The following XKR6 variants were observed in gnomAD, a reference collection of about 807,000 sequenced individuals.
XKR6 encodes XK-related protein 6.
XKR6 carries 22 observed loss-of-function variants against 56.7 expected under a neutral mutation model. The ratio of observed to expected loss-of-function variants is 0.39; its 90% CI spans 0.28 to 0.55. The LOEUF (loss-of-function observed/expected upper bound fraction) is 0.55, where lower values mean the gene tolerates loss of function less well. Ranked by LOEUF, XKR6 falls within the 20% of genes least tolerant of loss-of-function variation. The pLI is 0.66. For missense variants in XKR6, 852 were observed against 889.0 expected, an observed-to-expected ratio of 0.96 and a Z score of 0.53; for synonymous variants, 524 against 387.8, an observed-to-expected ratio of 1.35 and a Z score of -4.13.
chr8:11,055,085 C>T (rs1013333012), intron 1 of XKR6, among the ~76,000 whole-genome samples: 3 of 152,188 alleles, frequency 2.0e-5, no homozygotes, highest in Non-Finnish European at 2.9e-5. Flanking sequence ...TTATTCCCGA[C>T]ACTTATTAAA....
At chr8:11,111,697 G>C (rs146824141) in intron 1 of XKR6, 6 of 152,006 alleles carry the variant, frequency 3.9e-5, no homozygotes, top group African/African-American at 7.2e-5. Flanking sequence ...CTGATAATGA[G>C]AGACATGCAT....
intron 1 of XKR6, chr8:11,002,351 C>G (rs1045878187): frequency 3.7e-6 from 1 of 270,360 alleles, no homozygotes; most frequent in African/African-American, 2.3e-5. Context: ...AAGGCTGGAC[C>G]ATGACCTTTG....
intron 1 of XKR6, chr8:11,194,320 C>T (rs968664600): frequency 2.0e-5 from 3 of 152,206 alleles, no homozygotes; most frequent in African/African-American, 4.8e-5. Context: ...AGAAACCTGA[C>T]TTCTTAATTC....
intron 1 of XKR6, among the ~76,000 whole-genome samples, chr8:11,173,713 C>T (rs1303335049): frequency 1.3e-5 from 2 of 152,250 alleles, no homozygotes; most frequent in East Asian, 1.9e-4. Flanking sequence ...GGACAGCAAG[C>T]CTTTTTGGCC....
chr8:11,077,549 G>A (rs1430050317), intron 1 of XKR6, among the ~76,000 whole-genome samples: 1 of 152,184 alleles, frequency 6.6e-6, no homozygotes, highest in Non-Finnish European at 1.5e-5. Flanking sequence ...AAGGCCTGAT[G>A]CTTCACTGTG....
intron 1 of XKR6, among the ~76,000 whole-genome samples, chr8:10,948,752 C>T (rs1055568509): frequency 1.3e-5 from 2 of 152,204 alleles, no homozygotes; most frequent in African/African-American, 4.8e-5. Flanking sequence ...GTAGCTGTGG[C>T]TTATCAAGCC....
chr8:10,951,494 T>A (rs937830834), intron 1 of XKR6, among the ~76,000 whole-genome samples: 14 of 152,254 alleles, frequency 9.2e-5, no homozygotes, highest in African/African-American at 3.4e-4. Flanking sequence ...TTGGTTTTAG[T>A]CCCAAACAGC....
At chr8:11,103,624 G>C (rs191041360) in intron 1 of XKR6, among the ~76,000 whole-genome samples, 23 of 152,236 alleles carry the variant, frequency 1.5e-4, no homozygotes, top group African/African-American at 5.5e-4. Context: ...AAGTAGTAAA[G>C]AAAATCCTAA....
At chr8:11,082,003 T>C (rs1797738744) in intron 1 of XKR6, among the ~76,000 whole-genome samples, 1 of 152,178 alleles carries the variant, frequency 6.6e-6, no homozygotes, top group Admixed American at 6.5e-5. Flanking sequence ...GCCTGAGACC[T>C]GGAAGGAAGT....
intron 1 of XKR6, among the ~76,000 whole-genome samples, chr8:11,085,144 C>T (rs1184799584): frequency 6.6e-6 from 1 of 152,172 alleles, no homozygotes; most frequent in African/African-American, 2.4e-5. Flanking sequence ...GGCACTACCT[C>T]CCCTTCTTGT....
At chr8:11,059,223 A>AC (rs1799764275) in intron 1 of XKR6, among the ~76,000 whole-genome samples, 1 of 152,026 alleles carries the variant, frequency 6.6e-6, no homozygotes, top group Non-Finnish European at 1.5e-5. Context: ...CCAAGCTGCG[A>AC]CCCCCTGCGC....
chr8:11,074,285 G>C (rs1337078745), intron 1 of XKR6, among the ~76,000 whole-genome samples: 1 of 152,158 alleles, frequency 6.6e-6, no homozygotes, highest in Non-Finnish European at 1.5e-5. Flanking sequence ...GCCGTTTCCC[G>C]GCCTTGGGTC....
At chr8:11,157,485 GGTAT>G (rs112971008) in intron 1 of XKR6, among the ~76,000 whole-genome samples, 54,160 of 148,822 alleles carry the variant, frequency 0.36, 10,867 homozygotes, top group Middle Eastern at 0.47. Flanking sequence ...TAAAATAAAA[GGTAT>G]GTATGTATGT....
intron 1 of XKR6, among the ~76,000 whole-genome samples, chr8:11,069,724 CAGTA>C (rs33960758): frequency 0.57 from 86,069 of 151,548 alleles, 27,819 homozygotes; most frequent in African/African-American, 0.87. Context: ...GTTCAGGGGT[CAGTA>C]AAGATTTCTT....
chr8:10,909,282 G>C (rs903334126), intron 2 of XKR6, among the ~76,000 whole-genome samples: 2 of 152,068 alleles, frequency 1.3e-5, no homozygotes, highest in African/African-American at 4.8e-5. Flanking sequence ...TCAATCTTCA[G>C]CTTCTCAGCT....
intron 1 of XKR6, among the ~76,000 whole-genome samples, chr8:11,134,266 G>A (rs940723114): frequency 6.6e-6 from 1 of 152,094 alleles, no homozygotes; most frequent in Non-Finnish European, 1.5e-5. Context: ...TGTCCATCTG[G>A]ATTACCTCCC....
At chr8:11,020,035 G>A (rs959920968) in intron 1 of XKR6, among the ~76,000 whole-genome samples, 6 of 152,286 alleles carry the variant, frequency 3.9e-5, no homozygotes, top group Admixed American at 3.3e-4. Flanking sequence ...AAGGAACAGC[G>A]GGACCTGTCA....
intron 1 of XKR6, among the ~76,000 whole-genome samples, chr8:10,998,594 T>C (rs1051301872): frequency 2.0e-5 from 3 of 152,208 alleles, no homozygotes; most frequent in Non-Finnish European, 2.9e-5. Context: ...GGCAGAGACC[T>C]GGGTTCTGTC....
chr8:10,990,849 G>T (rs1012348294), intron 1 of XKR6, among the ~76,000 whole-genome samples: 1 of 149,330 alleles, frequency 6.7e-6, no homozygotes, highest in African/African-American at 2.5e-5. Flanking sequence ...TCCCAAAGTG[G>T]TAGGATTACA....
Sources: gnomAD v4.1 joint callset for allele counts (sites outside exome capture counted in the v4.1 genomes callset) on GRCh38, gnomAD v4.1.1 for gene constraint, MANE v1.5 for transcripts, NCBI Gene and HGNC (gene_info 2026-07-23, HGNC 2026-07-21) for gene names.